Variants in IL1RAPL1 observed in about 807,000 individuals in gnomAD.
IL1RAPL1 encodes interleukin 1 receptor accessory protein like 1.
In IL1RAPL1, 3 loss-of-function variants were observed where a neutral mutation model predicts 48.4. That is an observed-to-expected ratio of 0.06 (90% CI 0.03 to 0.16). The LOEUF is 0.16. Among genes scored for constraint, IL1RAPL1 ranks in the 10% least tolerant of loss-of-function variants. The pLI is 1.00. For missense variants in IL1RAPL1, 349 were observed against 530.6 expected, an observed-to-expected ratio of 0.66 and a Z score of 3.36; for synonymous variants, 185 against 187.7, an observed-to-expected ratio of 0.99 and a Z score of 0.12.
chrX:29,666,150 G>GT (rs1925992861), intron 5 of IL1RAPL1, among the ~76,000 whole-genome samples: 1 of 110,596 alleles, frequency 9.0e-6, no homozygotes, highest in African/African-American at 3.3e-5. Flanking sequence ...TTTTATTAAA[G>GT]TTTTTTAACT....
At chrX:29,783,471 A>G (rs144413028) in intron 6 of IL1RAPL1, among the ~76,000 whole-genome samples, 2,155 of 111,505 alleles carry the variant, frequency 0.019, 53 homozygotes, top group African/African-American at 0.067. Flanking sequence ...TAAATAACTG[A>G]AAGATATTAC....
At chrX:29,562,040 CTATCT>C (rs1922218674) in intron 5 of IL1RAPL1, among the ~76,000 whole-genome samples, 1 of 61,614 alleles carries the variant, frequency 1.6e-5, no homozygotes, top group South Asian at 6.3e-4. Flanking sequence ...TCAATTCTAT[CTATCT>C]ATCTATCTAT....
chrX:29,020,166 AGT>A (rs1404422042), intron 2 of IL1RAPL1, among the ~76,000 whole-genome samples: 1 of 112,519 alleles, frequency 8.9e-6, no homozygotes, highest in African/African-American at 3.2e-5. Flanking sequence ...TAAGTGAATG[AGT>A]GTGTTTTCCA....
intron 2 of IL1RAPL1, among the ~76,000 whole-genome samples, chrX:29,193,561 G>A (rs771545757): frequency 9.1e-6 from 1 of 110,375 alleles, no homozygotes; most frequent in South Asian, 3.8e-4. Flanking sequence ...TTATAGAAAG[G>A]CAAATCAATT....
chrX:28,992,954 G>T (rs1351499457), intron 2 of IL1RAPL1, among the ~76,000 whole-genome samples: 2 of 111,723 alleles, frequency 1.8e-5, no homozygotes, highest in African/African-American at 6.5e-5. Flanking sequence ...ATGATCAAAG[G>T]TCCAAGAGAA....
At chrX:28,925,779 G>A (rs1385580786) in intron 2 of IL1RAPL1, among the ~76,000 whole-genome samples, 1 of 110,685 alleles carries the variant, frequency 9.0e-6, no homozygotes, top group Non-Finnish European at 1.9e-5. Flanking sequence ...AATTTAGCTG[G>A]GTGTGGTGGT....
At position 29,508,843 on chromosome X, in the gene IL1RAPL1, T is replaced by A. The variant is rs1314622448; in HGVS notation, c.703+109535T>A. 2.7e-5 allele frequency among the ~76,000 whole-genome samples: 3 copies of A among 112,486 alleles called. No homozygotes were observed. The Admixed American group carries it at 2.8e-4, about 11-fold the overall frequency. ...TACAGTCTTGCCTTTCTTTGATTGCTAAATGATATTTATGTGTTATTAGTC... is the reference window on the plus strand; with the variant it reads ...TACAGTCTTGCCTTTCTTTGATTGCAAAATGATATTTATGTGTTATTAGTC... On this transcript the variant is annotated intron_variant, in intron 5 of 10. Coordinates refer to ENST00000378993, the MANE Select transcript of IL1RAPL1 (RefSeq NM_014271.4).
At chrX:28,836,616 A>G (rs1044130754) in intron 2 of IL1RAPL1, among the ~76,000 whole-genome samples, 1 of 109,746 alleles carries the variant, frequency 9.1e-6, no homozygotes, top group Admixed American at 9.8e-5. Context: ...CCTAGTTTTC[A>G]TAGCCAATGA....
chrX:29,200,981 C>T (rs940411068), intron 2 of IL1RAPL1, among the ~76,000 whole-genome samples: 3 of 111,208 alleles, frequency 2.7e-5, no homozygotes, highest in Admixed American at 9.6e-5. Flanking sequence ...TCTCCTGCCA[C>T]CCTCCACCCT....
intron 5 of IL1RAPL1, among the ~76,000 whole-genome samples, chrX:29,428,556 AACTT>A (rs775823433): frequency 1.6e-4 from 18 of 110,981 alleles, no homozygotes; most frequent in Non-Finnish European, 3.0e-4. Context: ...GTTAAAAAAA[AACTT>A]TAGGAACAAA....
chrX:29,107,598 C>T (rs1386563062), intron 2 of IL1RAPL1, among the ~76,000 whole-genome samples: 3 of 111,500 alleles, frequency 2.7e-5, no homozygotes, highest in African/African-American at 9.8e-5. Flanking sequence ...AACCTTTGCC[C>T]ATTAAAAAAA....
chrX:28,962,245 T>C (rs1174118262), intron 2 of IL1RAPL1, among the ~76,000 whole-genome samples: 1 of 112,162 alleles, frequency 8.9e-6, no homozygotes, highest in African/African-American at 3.2e-5. Context: ...CTAAGCTTCA[T>C]ATAGGGCTCT....
chrX:28,819,794 A>G (rs1195731216), intron 2 of IL1RAPL1, among the ~76,000 whole-genome samples: 2 of 106,782 alleles, frequency 1.9e-5, no homozygotes, highest in Non-Finnish European at 3.9e-5. Flanking sequence ...CAGGTTTTAT[A>G]TACTCATTAA....
At chrX:28,964,443 T>A (rs2147364700) in intron 2 of IL1RAPL1, among the ~76,000 whole-genome samples, 1 of 111,894 alleles carries the variant, frequency 8.9e-6, no homozygotes, top group African/African-American at 3.2e-5. Flanking sequence ...CCATTCATTT[T>A]GTTATGGGTG....
chrX:28,814,937 G>A (rs1386947755), intron 2 of IL1RAPL1, among the ~76,000 whole-genome samples: 1 of 109,149 alleles, frequency 9.2e-6, no homozygotes, highest in Admixed American at 9.8e-5. Flanking sequence ...ACTGCTATAT[G>A]CATGCTGCTG....
At chrX:29,259,811 C>T (rs1052579395) in intron 2 of IL1RAPL1, among the ~76,000 whole-genome samples, 7 of 110,948 alleles carry the variant, frequency 6.3e-5, no homozygotes, top group Non-Finnish European at 1.1e-4. Flanking sequence ...TTTCATTTCC[C>T]ATTAGAGGAA....
chrX:29,503,401 G>T (rs779052219), intron 5 of IL1RAPL1, among the ~76,000 whole-genome samples: 12 of 110,277 alleles, frequency 1.1e-4, no homozygotes, highest in African/African-American at 3.3e-4. Flanking sequence ...TTTTGTTTTT[G>T]GTTTGTTATT....
rs532231684 is a variant in IL1RAPL1, at chrX:29,395,221, T to C, written c.363-1037T>C. Among the ~76,000 whole-genome samples, 4 of 111,882 alleles carry C rather than the reference T, an allele frequency of 3.6e-5. No homozygotes were observed. In the South Asian group the frequency reaches 1.5e-3, roughly 42 times the overall value. On this transcript the variant is annotated intron_variant, in intron 3 of 10. Transcript: ENST00000378993. ...AATAAATTGCCCAGTTTTGTAGAGA[T>C]GGTAAGCAGTGAGACTCAAATACAG...
intron 2 of IL1RAPL1, among the ~76,000 whole-genome samples, chrX:29,231,034 A>C (rs1931193522): frequency 1.8e-5 from 2 of 112,352 alleles, no homozygotes; most frequent in Admixed American, 9.4e-5. Flanking sequence ...CTGCTGCTAC[A>C]AGATATTAGG....
Sources: gnomAD v4.1 joint callset for allele counts (sites outside exome capture counted in the v4.1 genomes callset) on GRCh38, gnomAD v4.1.1 for gene constraint, MANE v1.5 for transcripts, NCBI Gene and HGNC (gene_info 2026-07-23, HGNC 2026-07-21) for gene names.